The following FHIT variants were observed in gnomAD, a reference collection of about 807,000 sequenced individuals.
The protein encoded by FHIT is bis(5'-adenosyl)-triphosphatase.
FHIT carries 19 observed loss-of-function variants against 17.9 expected under a neutral mutation model. That is an observed-to-expected ratio of 1.06 (90% confidence interval 0.74 to 1.56). The LOEUF (loss-of-function observed/expected upper bound fraction) is 1.56. FHIT is among the 40% of genes most tolerant of loss of function. The probability of loss-of-function intolerance (pLI) is 0.00; values close to 1 mark genes in which losing one functional copy is unlikely to be tolerated. For synonymous variants in FHIT, 81 were observed against 69.7 expected, an observed-to-expected ratio of 1.16 and a Z score of -0.81; for missense variants, 248 against 189.2, an observed-to-expected ratio of 1.31 and a Z score of -1.82.
chr3:60,322,158 T>C (rs1029658117), intron 5 of FHIT, among the ~76,000 whole-genome samples: 1 of 152,220 alleles, frequency 6.6e-6, no homozygotes, highest in African/African-American at 2.4e-5. Flanking sequence ...CATTATGCTT[T>C]TCTGGGCAAT....
At chr3:60,077,310 T>C (rs988950993) in intron 5 of FHIT, 6 of 152,124 alleles carry the variant, frequency 3.9e-5, no homozygotes, top group South Asian at 2.1e-4. Context: ...CACGCATGTA[T>C]TGCCTACCTC....
At chr3:60,522,857 A>G (rs925911995) in intron 5 of FHIT, among the ~76,000 whole-genome samples, 2 of 152,150 alleles carry the variant, frequency 1.3e-5, no homozygotes, top group African/African-American at 4.8e-5. Context: ...TTTGTGACCC[A>G]TCTGTTTTTG....
intron 3 of FHIT, among the ~76,000 whole-genome samples, chr3:60,926,395 A>G (rs1397880116): frequency 1.3e-5 from 2 of 152,372 alleles, no homozygotes; most frequent in East Asian, 3.9e-4. Flanking sequence ...ACTCAGGATT[A>G]AGAAACTCAC....
At chr3:60,048,824 A>G (rs1350678064) in intron 5 of FHIT, among the ~76,000 whole-genome samples, 4 of 152,238 alleles carry the variant, frequency 2.6e-5, no homozygotes, top group African/African-American at 9.6e-5. Context: ...AGTAACCAGC[A>G]TCATTCAGTT....
Position 61,113,393 on chromosome 3 carries a change from A to T in FHIT, c.-163-71294T>A, listed in dbSNP as rs1056325991. On this transcript the variant is annotated intron_variant, in intron 2 of 9. Coordinates refer to ENST00000492590, the MANE Select transcript of FHIT (RefSeq NM_002012.4). ...ATAAACAAGATCATAGAGTTATATT[A>T]TACAATATAAAATCCAAATACTGAC... Among the ~76,000 whole-genome samples the T allele has an allele frequency of 1.1e-4, 16 of 152,168 alleles. 2 individuals carry two copies. The highest frequency in any genetic ancestry group is 7.9e-4 in the Admixed American group (12 of 15,268).
chr3:60,145,002 A>T (rs895871127), intron 5 of FHIT, among the ~76,000 whole-genome samples: 2 of 152,180 alleles, frequency 1.3e-5, no homozygotes, highest in African/African-American at 4.8e-5. Flanking sequence ...GGAAAAAAAC[A>T]TCAATTCCAG....
Position 61,229,759 on chromosome 3 carries a change from C to T in FHIT, c.-213+21542G>A, listed in dbSNP as rs146942731. 2.5e-3 allele frequency among the ~76,000 whole-genome samples: 382 copies of T among 152,078 alleles called. 3 individuals are homozygous for T. The highest frequency in any genetic ancestry group is 2.4e-3 in the Non-Finnish European group (165 of 67,982). ...AGATTTACTGGGAAGCTTGTGTAGA[C>T]CTTAGAACAATATATCAACAGGTGT... is the stretch of plus-strand genomic sequence containing the variant. On this transcript the variant is annotated intron_variant, in intron 1 of 9. Coordinates refer to ENST00000492590, the MANE Select transcript of FHIT (RefSeq NM_002012.4).
In FHIT at chr3:60,114,408, T is replaced by C. The variant is rs535208818; in HGVS notation, c.104-100256A>G. On this transcript the variant is annotated intron_variant, in intron 5 of 9. Transcript: ENST00000492590. ...TCTGTCTGAATGACAGACTCTCCCA[T>C]TGTTTCTTGTAAACAGGCAATTAAT... Among the ~76,000 whole-genome samples the C allele has an allele frequency of 2.0e-3, 307 of 150,706 alleles. 1 individual carries two copies. Among genetic ancestry groups the C allele is most frequent in the African/African-American group, 4.2e-3 (174 of 41,256 alleles).
chr3:60,999,217 A>G (rs546353232), intron 3 of FHIT, among the ~76,000 whole-genome samples: 1 of 152,260 alleles, frequency 6.6e-6, no homozygotes, highest in African/African-American at 2.4e-5. Context: ...AGAATACAAT[A>G]CACTTAGCAT....
At chr3:60,720,863 C>T (rs2041794601) in intron 4 of FHIT, among the ~76,000 whole-genome samples, 1 of 152,146 alleles carries the variant, frequency 6.6e-6, no homozygotes, top group African/African-American at 2.4e-5. Context: ...AAAAATCTAG[C>T]AATTCATTTC....
intron 5 of FHIT, among the ~76,000 whole-genome samples, chr3:60,107,989 A>G (rs1295097494): frequency 6.6e-6 from 1 of 152,204 alleles, no homozygotes; most frequent in Non-Finnish European, 1.5e-5. Flanking sequence ...GGTTGCTGTG[A>G]AAGGACATTC....
intron 5 of FHIT, among the ~76,000 whole-genome samples, chr3:60,207,576 G>T (rs1184770548): frequency 6.6e-6 from 1 of 152,014 alleles, no homozygotes; most frequent in East Asian, 1.9e-4. Context: ...CCACCCCACA[G>T]TCCCCCCGCC....
chr3:60,929,410 G>T (rs1553771060), intron 3 of FHIT, among the ~76,000 whole-genome samples: 2 of 152,166 alleles, frequency 1.3e-5, no homozygotes, highest in Non-Finnish European at 2.9e-5. Flanking sequence ...TAGGAAAAGA[G>T]GAAATCCAAT....
intron 4 of FHIT, among the ~76,000 whole-genome samples, chr3:60,619,553 C>G (rs2682976): frequency 0.86 from 125,977 of 146,076 alleles, 54,226 homozygotes; most frequent in Admixed American, 0.88. Context: ...AGAAAGCCCA[C>G]ATAGTCTTTT....
chr3:60,879,040 C>T (rs901601405), intron 3 of FHIT, among the ~76,000 whole-genome samples: 2 of 152,130 alleles, frequency 1.3e-5, no homozygotes, highest in East Asian at 1.9e-4. Context: ...GTATTTCTAA[C>T]TCTAGATCCC....
At chr3:60,304,214 G>A (rs1439474290) in intron 5 of FHIT, among the ~76,000 whole-genome samples, 5 of 151,954 alleles carry the variant, frequency 3.3e-5, no homozygotes, top group African/African-American at 1.2e-4. Flanking sequence ...GAACACACTA[G>A]CACATTACAT....
intron 4 of FHIT, among the ~76,000 whole-genome samples, chr3:60,748,044 G>A (rs1371409124): frequency 3.9e-5 from 6 of 152,158 alleles, no homozygotes; most frequent in Non-Finnish European, 7.4e-5. Context: ...AGTAAGCTGT[G>A]ACTAGACTGC....
chr3:61,208,639 C>A (rs906316353), intron 1 of FHIT, among the ~76,000 whole-genome samples: 6 of 151,956 alleles, frequency 3.9e-5, no homozygotes, highest in African/African-American at 9.7e-5. Context: ...ATTGCAAACC[C>A]TGCCTTTTTT....
chr3:61,063,116 G>A (rs1965144), intron 2 of FHIT, among the ~76,000 whole-genome samples: 83,122 of 151,404 alleles, frequency 0.55, 23,953 homozygotes, highest in Non-Finnish European at 0.65. Context: ...AAAATTAGCC[G>A]GGTGTGGTGG....
Sources: allele counts gnomAD v4.1 joint callset (sites outside exome capture counted in the v4.1 genomes callset), GRCh38; gene constraint gnomAD v4.1.1; transcripts MANE v1.5; gene names NCBI Gene and HGNC (gene_info 2026-07-23, HGNC 2026-07-21).